Variants in FRYL observed in about 807,000 individuals in gnomAD.
The protein encoded by FRYL is FRY like transcription coactivator.
In FRYL, 150 loss-of-function variants were observed where a neutral mutation model predicts 351.2. The ratio of observed to expected loss-of-function variants is 0.43; its 90% CI spans 0.37 to 0.49. The LOEUF (loss-of-function observed/expected upper bound fraction) is 0.49. Ranked by LOEUF, FRYL falls within the 20% of genes least tolerant of loss-of-function variation. FRYL has a pLI of 0.00. For synonymous variants in FRYL, 1,153 were observed against 1,257.1 expected (o/e 0.92, Z 1.75); for missense variants, 3,036 against 3,619.3 (o/e 0.84, Z 4.13).
chr4:48,687,704 A>C (rs1005142114), intron 2 of FRYL, among the ~76,000 whole-genome samples: 1 of 152,156 alleles, frequency 6.6e-6, no homozygotes, highest in East Asian at 1.9e-4. Context: ...TTAACACAGG[A>C]AACAACAATC....
intron 9 of FRYL, among the ~76,000 whole-genome samples, chr4:48,607,682 A>G (rs1262009987): frequency 6.6e-6 from 1 of 152,168 alleles, no homozygotes; most frequent in Non-Finnish European, 1.5e-5. Flanking sequence ...CCTAACTCAA[A>G]GTGGATCCTT....
chr4:48,778,249 T>C (rs1433875499), intron 1 of FRYL, among the ~76,000 whole-genome samples: 2 of 152,106 alleles, frequency 1.3e-5, no homozygotes, highest in Non-Finnish European at 2.9e-5. Context: ...GCTGAGCCTG[T>C]GAATTTACAA....
At chr4:48,720,864 C>T (rs1769389848) in intron 1 of FRYL, among the ~76,000 whole-genome samples, 1 of 152,196 alleles carries the variant, frequency 6.6e-6, no homozygotes, top group Non-Finnish European at 1.5e-5. Context: ...TAAACATACT[C>T]TAGCTAAGAT....
rs1424405604 is a variant in FRYL at position 48,609,764 on chromosome 4, C to G, written c.471G>C (p.Lys157Asn). ...LVHEVLNLAF[K>N]HFKHKEGYSG... is the part of the protein sequence containing the mutation. The stretch of plus-strand genomic sequence containing the variant: ...CTTACCCTTCCTTATGTTTAAAGTG[C>G]TTAAAAGCTAAGTTTAGAACTTCAT... The change falls in exon 8 of 64, where the codon AAG becomes AAC. Residue 157 changes from lysine to asparagine, a missense_variant. Around this residue, in one of 7 missense-constraint regions of FRYL, gnomAD observed 457 missense variants for 566.6 expected, o/e 0.81. Coordinates refer to ENST00000358350, the MANE Select transcript of FRYL (RefSeq NM_015030.2). The G allele has an allele frequency of 1.3e-6, 2 of 1,582,942 alleles. No individual in the cohort carries two copies. The highest frequency in any genetic ancestry group is 1.7e-6 in the Non-Finnish European group (2 of 1,159,696).
At chr4:48,637,386 A>C (rs925576748) in intron 3 of FRYL, 1 of 152,030 alleles carries the variant, frequency 6.6e-6, no homozygotes, top group Non-Finnish European at 1.5e-5. Context: ...CTCCAAGTAG[A>C]AGAAGAAAAG....
chr4:48,672,834 T>A (rs1762948766), intron 3 of FRYL, among the ~76,000 whole-genome samples: 1 of 152,220 alleles, frequency 6.6e-6, no homozygotes, highest in Non-Finnish European at 1.5e-5. Flanking sequence ...TCACCCATTA[T>A]CCACTTTGTT....
intron 16 of FRYL, among the ~76,000 whole-genome samples, chr4:48,592,275 T>C (rs1743571799): frequency 6.6e-6 from 1 of 151,946 alleles, no homozygotes; most frequent in Non-Finnish European, 1.5e-5. Flanking sequence ...GCTTCACTTA[T>C]ACATTCTTTC....
chr4:48,590,000 A>T lies in FRYL; in HGVS notation c.1508-123T>A, dbSNP rs527568337. The T allele has an allele frequency of 5.1e-5, 39 of 764,214 alleles. No homozygotes were observed. In the South Asian group the frequency reaches 6.8e-4, roughly 13 times the overall value. 47.3% of individuals were successfully genotyped at this position (764,214 alleles called of 1,614,324 possible). Reference sequence around the variant, plus strand: ...TATTGTTGCCACAAAAGGGGTTTCAACTGTGACATATTCTTCTCCCTGATG... The same window carrying T: ...TATTGTTGCCACAAAAGGGGTTTCATCTGTGACATATTCTTCTCCCTGATG... On this transcript the variant is annotated intron_variant, in intron 17 of 63. Coordinates refer to ENST00000358350, the MANE Select transcript of FRYL (RefSeq NM_015030.2).
At chr4:48,565,081 T>C (rs1264935850) in intron 29 of FRYL, 38 bp from the exon 30 acceptor site, 1 of 1,218,362 alleles carries the variant, frequency 8.2e-7, no homozygotes, top group African/African-American at 1.5e-5. Context: ...TTAACAAATT[T>C]AAGAGGTTAA....
chr4:48,592,082 TTATATA>T (rs56320005), intron 16 of FRYL, among the ~76,000 whole-genome samples: 7,860 of 115,930 alleles, frequency 0.068, 561 homozygotes, highest in Middle Eastern at 0.1. Context: ...AATAAAGCTC[TTATATA>T]TATATATATA....
chr4:48,692,861 C>T (rs1409810409), intron 2 of FRYL, among the ~76,000 whole-genome samples: 2 of 152,066 alleles, frequency 1.3e-5, no homozygotes, highest in Admixed American at 6.6e-5. Context: ...AATAAAAGAA[C>T]GGACTAAAAG....
At chr4:48,736,638 T>G (rs1771438347) in intron 1 of FRYL, among the ~76,000 whole-genome samples, 1 of 151,428 alleles carries the variant, frequency 6.6e-6, no homozygotes, top group Admixed American at 6.6e-5. Context: ...TCACCTGAGG[T>G]CAAGAGTTCA....
chr4:48,721,898 C>G lies in FRYL; in HGVS notation c.-383-11200G>C, dbSNP rs1489800614. On this transcript the variant is annotated intron_variant, in intron 1 of 63. Coordinates refer to ENST00000358350, the MANE Select transcript of FRYL (RefSeq NM_015030.2). ...TAGGTGATCCACCTGCTTCGGCCTCCCAAAGTGCTGGGATTACAGGTGTGA... is the reference window on the plus strand; with the variant it reads ...TAGGTGATCCACCTGCTTCGGCCTCGCAAAGTGCTGGGATTACAGGTGTGA... Among the ~76,000 whole-genome samples, 2 of 152,150 alleles carry G rather than the reference C, an allele frequency of 1.3e-5. 1 individual carries two copies. The highest frequency in any genetic ancestry group is 4.8e-5 in the African/African-American group (2 of 41,434).
At position 48,562,925 on chromosome 4, in the gene FRYL, A is replaced by G; in HGVS notation, c.3660T>C (p.Ser1220=). The change falls in exon 32 of 64, where the codon TCT becomes TCC. Residue 1220 remains serine, a synonymous_variant. Coordinates refer to ENST00000358350, the MANE Select transcript of FRYL (RefSeq NM_015030.2). ...NLILFKAADS[S]RSIYEVAMQL... is the part of the protein sequence containing the mutation. The stretch of plus-strand genomic sequence containing the variant: ...GCATAGCAACTTCATAGATACTTCT[A>G]GAAGAATCAGCTGCTTTAAACAGTA... The G allele has an allele frequency of 1.9e-6, 3 of 1,608,204 alleles. No homozygotes were observed. Among genetic ancestry groups the G allele is most frequent in the Non-Finnish European group, 2.6e-6 (3 of 1,175,488 alleles).
chr4:48,747,632 C>T (rs1435009657), intron 1 of FRYL, among the ~76,000 whole-genome samples: 4 of 152,128 alleles, frequency 2.6e-5, no homozygotes, highest in Non-Finnish European at 5.9e-5. Context: ...AGATTTTTGA[C>T]AAGACAGTTT....
intron 32 of FRYL, among the ~76,000 whole-genome samples, chr4:48,562,208 G>GA (rs1033870690): frequency 9.9e-4 from 142 of 143,196 alleles, no homozygotes; most frequent in African/African-American, 2.4e-3. Flanking sequence ...ATGCATAAGT[G>GA]AAAAAAAAAA....
intron 25 of FRYL, 100 bp downstream of exon 25, chr4:48,575,017 C>T (rs1739283036): frequency 9.1e-7 from 1 of 1,095,238 alleles, no homozygotes; most frequent in East Asian, 2.5e-5. Context: ...CGGTCAAGCA[C>T]TCTGCTTGAC....
rs1198366464 is a variant in FRYL, at chr4:48,525,938, T to C, written c.7317+1539A>G. On this transcript the variant is annotated intron_variant, in intron 53 of 63. Coordinates refer to ENST00000358350, the MANE Select transcript of FRYL (RefSeq NM_015030.2). ...GAGCTGTATATGAGTAGTATATGTA[T>C]ATGTACATGAGAGTTGATGAATGTG... 7.9e-5 allele frequency among the ~76,000 whole-genome samples: 12 copies of C among 152,248 alleles called. No individual in the cohort carries two copies. In the East Asian group the frequency reaches 2.1e-3, roughly 27 times the overall value.
chr4:48,584,297 G>A (rs1210032339), intron 19 of FRYL, among the ~76,000 whole-genome samples: 2 of 152,184 alleles, frequency 1.3e-5, no homozygotes, highest in Non-Finnish European at 2.9e-5. Flanking sequence ...TGGAAAAATG[G>A]AGTTATCCAC....
Sources: allele counts gnomAD v4.1 joint callset (sites outside exome capture counted in the v4.1 genomes callset), GRCh38; gene constraint gnomAD v4.1.1; regional missense constraint gnomAD v4.1.1; transcripts MANE v1.5; gene names NCBI Gene and HGNC (gene_info 2026-07-23, HGNC 2026-07-21).